EFCAB6: variants seen among roughly 807,000 people sequenced by gnomAD.
EFCAB6 encodes the protein EF-hand calcium-binding domain-containing protein 6.
In EFCAB6, 156 loss-of-function variants were observed where a neutral mutation model predicts 169.8. The observed-to-expected ratio is 0.92, with a 90% CI of 0.81 to 1.05. The LOEUF is 1.05. EFCAB6 is among the 50% of genes least tolerant of loss of function. The pLI is 0.00. For missense variants in EFCAB6, 1,800 were observed against 1,829.1 expected (o/e 0.98, Z 0.29); for synonymous variants, 698 against 676.4 (o/e 1.03, Z -0.50).
chr22:43,801,371 GA>G (rs927842334), intron 2 of EFCAB6, among the ~76,000 whole-genome samples: 1 of 151,292 alleles, frequency 6.6e-6, no homozygotes, highest in Non-Finnish European at 1.5e-5. Context: ...CTAACATTCA[GA>G]AAAAAAACAA....
chr22:43,533,951 C>T (rs1427381637), intron 30 of EFCAB6, among the ~76,000 whole-genome samples: 2 of 152,160 alleles, frequency 1.3e-5, no homozygotes, highest in South Asian at 2.1e-4. Context: ...TCCGCAAGTG[C>T]GACAAATTAA....
intron 25 of EFCAB6, 134 bp from the exon 26 acceptor site, chr22:43,576,622 A>G (rs1385386682): frequency 1.0e-5 from 7 of 687,906 alleles, no homozygotes; most frequent in Non-Finnish European, 1.5e-5. Flanking sequence ...ATTCTAAATT[A>G]CTAAATAAAT....
At chr22:43,618,556 G>A (rs2053902279) in intron 20 of EFCAB6, among the ~76,000 whole-genome samples, 1 of 152,200 alleles carries the variant, frequency 6.6e-6, no homozygotes, top group African/African-American at 2.4e-5. Context: ...TTCGAAGAAT[G>A]ACAAAGTTAT....
intron 20 of EFCAB6, among the ~76,000 whole-genome samples, chr22:43,623,020 T>C (rs1182444128): frequency 1.3e-5 from 2 of 152,218 alleles, no homozygotes; most frequent in African/African-American, 4.8e-5. Context: ...AGGAAGAGAT[T>C]TCACAATGAT....
chr22:43,596,111 C>T (rs2051982609), intron 23 of EFCAB6, among the ~76,000 whole-genome samples: 1 of 152,042 alleles, frequency 6.6e-6, no homozygotes, highest in South Asian at 2.1e-4. Context: ...ACAATATAGG[C>T]CATATATGAC....
chr22:43,773,772 G>C (rs1302627177), intron 3 of EFCAB6, among the ~76,000 whole-genome samples: 1 of 152,352 alleles, frequency 6.6e-6, no homozygotes, highest in East Asian at 1.9e-4. Context: ...GCTTGAACCT[G>C]GGAGGCTGAG....
At chr22:43,698,308 T>C (rs1032107577) in intron 10 of EFCAB6, among the ~76,000 whole-genome samples, 1 of 152,164 alleles carries the variant, frequency 6.6e-6, no homozygotes, top group African/African-American at 2.4e-5. Flanking sequence ...CCTGCCATCA[T>C]GGAGGGGGCA....
At chr22:43,801,267 C>A (rs1440206857) in intron 2 of EFCAB6, among the ~76,000 whole-genome samples, 1 of 152,100 alleles carries the variant, frequency 6.6e-6, no homozygotes, top group East Asian at 1.9e-4. Context: ...CAGATAAAGT[C>A]TTTCCCAGAC....
intron 17 of EFCAB6, among the ~76,000 whole-genome samples, chr22:43,639,007 A>C (rs2055624570): frequency 6.6e-6 from 1 of 151,532 alleles, no homozygotes; most frequent in Admixed American, 6.6e-5. Flanking sequence ...CTGGTCTCGA[A>C]CTCCTGACCT....
intron 4 of EFCAB6, among the ~76,000 whole-genome samples, chr22:43,767,767 A>C (rs1167510396): frequency 6.6e-6 from 1 of 152,184 alleles, no homozygotes; most frequent in Non-Finnish European, 1.5e-5. Flanking sequence ...ATTGCATTTC[A>C]TATTGCTACT....
intron 10 of EFCAB6, among the ~76,000 whole-genome samples, chr22:43,703,797 T>C (rs1603250653): frequency 6.7e-6 from 1 of 149,982 alleles, no homozygotes; most frequent in Admixed American, 6.6e-5. Flanking sequence ...AGATAAAACA[T>C]TTGAGATGAT....
intron 26 of EFCAB6, among the ~76,000 whole-genome samples, chr22:43,568,102 C>T (rs1052494348): frequency 6.6e-6 from 1 of 152,314 alleles, no homozygotes; most frequent in East Asian, 1.9e-4. Context: ...GACGCCCACC[C>T]AGTTTCCTCC....
chr22:43,749,620 G>A (rs2147813366), intron 6 of EFCAB6, among the ~76,000 whole-genome samples: 1 of 152,278 alleles, frequency 6.6e-6, no homozygotes, highest in East Asian at 1.9e-4. Flanking sequence ...TCTGACAGGA[G>A]GCGGAGCTCA....
intron 28 of EFCAB6, among the ~76,000 whole-genome samples, chr22:43,538,338 A>G (rs1199946088): frequency 1.3e-5 from 2 of 152,116 alleles, no homozygotes; most frequent in African/African-American, 4.8e-5. Context: ...CGCCTCTGCT[A>G]GACCTCCTCA....
intron 7 of EFCAB6, among the ~76,000 whole-genome samples, chr22:43,734,087 A>T (rs1221079223): frequency 1.3e-5 from 2 of 152,162 alleles, no homozygotes; most frequent in African/African-American, 4.8e-5. Flanking sequence ...GGGAGGAGAG[A>T]GCACAGACTT....
chr22:43,670,974 C>T (rs2057466124), intron 15 of EFCAB6, among the ~76,000 whole-genome samples: 1 of 152,206 alleles, frequency 6.6e-6, no homozygotes, highest in Admixed American at 6.5e-5. Context: ...TGATCCTTAT[C>T]ACAACTCTAG....
intron 15 of EFCAB6, among the ~76,000 whole-genome samples, chr22:43,669,561 G>A (rs1318933818): frequency 6.6e-6 from 1 of 152,198 alleles, no homozygotes; most frequent in Non-Finnish European, 1.5e-5. Context: ...TTTCGTGGAG[G>A]TGGGAGGAGG....
chr22:43,655,988 A>G (rs1337802429), intron 17 of EFCAB6, among the ~76,000 whole-genome samples: 3 of 152,242 alleles, frequency 2.0e-5, no homozygotes, highest in Non-Finnish European at 4.4e-5. Context: ...TTCAAAGTGA[A>G]TAATTCAACA....
At chr22:43,705,752 A>T (rs746697953) in intron 10 of EFCAB6, among the ~76,000 whole-genome samples, 5 of 152,214 alleles carry the variant, frequency 3.3e-5, no homozygotes, top group Non-Finnish European at 7.4e-5. Context: ...CAATTCTAAG[A>T]GGAAAGTTTA....
Sources: allele counts gnomAD v4.1 joint callset (sites outside exome capture counted in the v4.1 genomes callset), GRCh38; gene constraint gnomAD v4.1.1; transcripts MANE v1.5; gene names NCBI Gene and HGNC (gene_info 2026-07-23, HGNC 2026-07-21).